The following FAM120A variants were observed in gnomAD, a reference collection of about 807,000 sequenced individuals.
FAM120A encodes the protein constitutive coactivator of PPAR-gamma-like protein 1.
Under a neutral mutation model 109.7 loss-of-function variants are expected in FAM120A, and 15 were observed. The ratio of observed to expected loss-of-function variants is 0.14; its 90% CI spans 0.09 to 0.21. The LOEUF (loss-of-function observed/expected upper bound fraction) is 0.21. Ranked by LOEUF, FAM120A falls within the 10% of genes least tolerant of loss-of-function variation. The probability of loss-of-function intolerance (pLI) is 1.00; values close to 1 mark genes in which losing one functional copy is unlikely to be tolerated. For synonymous variants in FAM120A, 493 were observed against 572.8 expected (o/e 0.86, Z 1.99); for missense variants, 899 against 1,439.3 (o/e 0.62, Z 6.07).
chr9:93,533,838 A>G (rs183171772), intron 10 of FAM120A, among the ~76,000 whole-genome samples: 25 of 152,284 alleles, frequency 1.6e-4, no homozygotes, highest in Non-Finnish European at 2.9e-4. Context: ...CAGTGGCTTC[A>G]TGGTAGAAGG....
chr9:93,559,944 A>C (rs745988321), intron 15 of FAM120A, among the ~76,000 whole-genome samples: 4 of 152,190 alleles, frequency 2.6e-5, no homozygotes, highest in Non-Finnish European at 5.9e-5. Flanking sequence ...GAACATGTAA[A>C]ATACATATCA....
Position 93,520,629 on chromosome 9 carries a change from C to T in FAM120A, c.1418+4360C>T, listed in dbSNP as rs572640481. Among the ~76,000 whole-genome samples, 14 of 152,332 alleles carry T rather than the reference C, an allele frequency of 9.2e-5. No individual in the cohort carries two copies. The South Asian group carries it at 1.7e-3, about 18-fold the overall frequency. ...TGGACTTCTCAGAGCTGCGAGCATGCGGGTGCTCTTTGTGGAGATTTGCTC... is the reference window on the plus strand; with the variant it reads ...TGGACTTCTCAGAGCTGCGAGCATGTGGGTGCTCTTTGTGGAGATTTGCTC... On this transcript the variant is annotated intron_variant, in intron 7 of 17. Transcript: ENST00000277165.
In FAM120A at chr9:93,527,153, A is replaced by G; in HGVS notation, c.1419-2A>G. 1 of 1,613,588 alleles carries G rather than the reference A, an allele frequency of 6.2e-7. No homozygotes were observed. The highest frequency in any genetic ancestry group is 8.5e-7 in the Non-Finnish European group (1 of 1,179,508). On this transcript the variant is annotated splice_acceptor_variant, in intron 7 of 17. Coordinates refer to ENST00000277165, the MANE Select transcript of FAM120A (RefSeq NM_014612.5). LOFTEE classifies it high-confidence loss of function. ...CAGTAATCATGTTCATTTTATGTTT[A>G]GCCATATCAGCGGGAACAAGATTGG...
At chr9:93,485,937 G>A (rs1424834431) in intron 3 of FAM120A, among the ~76,000 whole-genome samples, 1 of 151,022 alleles carries the variant, frequency 6.6e-6, no homozygotes, top group African/African-American at 2.4e-5. Context: ...TACTTTCAAG[G>A]TTTTTCCATG....
At chr9:93,480,245 G>A (rs55812345) in intron 3 of FAM120A, among the ~76,000 whole-genome samples, 17,700 of 152,216 alleles carry the variant, frequency 0.12, 2,192 homozygotes, top group African/African-American at 0.31. Flanking sequence ...CATGTAACAT[G>A]TAAAATTGTA....
intron 10 of FAM120A, among the ~76,000 whole-genome samples, chr9:93,538,383 G>GA (rs1243900733): frequency 7.3e-5 from 11 of 151,552 alleles, no homozygotes; most frequent in African/African-American, 1.5e-4. Context: ...CTATCAGAAG[G>GA]AAAAAAAACA....
At chr9:93,499,516 A>C (rs928097860) in intron 5 of FAM120A, among the ~76,000 whole-genome samples, 1 of 152,104 alleles carries the variant, frequency 6.6e-6, no homozygotes, top group Non-Finnish European at 1.5e-5. Context: ...TCGAACTCCT[A>C]GCCTCAAGCG....
chr9:93,483,210 G>A (rs1475251239), intron 3 of FAM120A, among the ~76,000 whole-genome samples: 2 of 152,132 alleles, frequency 1.3e-5, no homozygotes, highest in Non-Finnish European at 2.9e-5. Flanking sequence ...TTACATGTTA[G>A]TGTTAATTGA....
chr9:93,463,466 A>G (rs1857883394), intron 1 of FAM120A, among the ~76,000 whole-genome samples: 2 of 152,220 alleles, frequency 1.3e-5, no homozygotes, highest in South Asian at 2.1e-4. Flanking sequence ...GTGTCATAAC[A>G]TTTAAATTGC....
chr9:93,474,500 C>T (rs1010722933), intron 2 of FAM120A, among the ~76,000 whole-genome samples: 1 of 152,078 alleles, frequency 6.6e-6, no homozygotes, highest in African/African-American at 2.4e-5. Flanking sequence ...GTATTTCACC[C>T]CCCAATTTTT....
chr9:93,560,953 G>C (rs1862444884), intron 15 of FAM120A, among the ~76,000 whole-genome samples, 156 bp from the exon 16 acceptor site: 1 of 152,236 alleles, frequency 6.6e-6, no homozygotes, highest in Non-Finnish European at 1.5e-5. Context: ...TGTGCACATA[G>C]ATACACTACA....
In FAM120A at chr9:93,451,961, A is replaced by G; in HGVS notation, c.46A>G (p.Ser16Gly). 2 of 1,536,280 alleles carry G rather than the reference A, an allele frequency of 1.3e-6. No individual in the cohort carries two copies. Among genetic ancestry groups the G allele is most frequent in the Non-Finnish European group, 1.7e-6 (2 of 1,143,282 alleles). The change falls in exon 1 of 18, where the codon AGC becomes GGC. Residue 16 changes from serine to glycine, a missense_variant. By Grantham distance (56) the Ser-to-Gly change is moderately conservative (BLOSUM62 0). Coordinates refer to ENST00000277165, the MANE Select transcript of FAM120A (RefSeq NM_014612.5). ...FQDYIEKHCPSAVVPVELQKL... is the reference protein window; with the variant it reads ...FQDYIEKHCPGAVVPVELQKL... ...GGACTACATCGAGAAGCACTGCCCG[A>G]GCGCCGTGGTGCCGGTGGAGCTGCA...
chr9:93,507,006 C>G (rs1386685226), intron 5 of FAM120A, among the ~76,000 whole-genome samples: 1 of 152,176 alleles, frequency 6.6e-6, no homozygotes, highest in African/African-American at 2.4e-5. Context: ...AGCATTATCT[C>G]CTCTACCTTT....
At chr9:93,489,724 A>C (rs1859230793) in intron 3 of FAM120A, among the ~76,000 whole-genome samples, 1 of 152,262 alleles carries the variant, frequency 6.6e-6, no homozygotes, top group African/African-American at 2.4e-5. Context: ...CATATGTGTC[A>C]TAACGTTTCA....
Position 93,557,829 on chromosome 9 carries a change from T to C in FAM120A, c.2487T>C (p.Ala829=). The change falls in exon 14 of 18, where the codon GCT becomes GCC. Residue 829 remains alanine (A), a splice_region_variant and synonymous_variant. Coordinates refer to ENST00000277165, the MANE Select transcript of FAM120A (RefSeq NM_014612.5). ...ACATGCTGGTCCTTGTCTTCCAGGC[T>C]GATCAGGCTGCCAAGGTAGAGAAGA... ...TPLIDLCDGQ[A]DQAAKVEKMR... 2 of 1,613,114 alleles carry C rather than the reference T, an allele frequency of 1.2e-6. No individual in the cohort carries two copies. The highest frequency in any genetic ancestry group is 2.2e-5 in the East Asian group (1 of 44,872).
rs770719523 is a variant in FAM120A at position 93,476,241 on chromosome 9, A to G, written c.722-15A>G. The G allele has an allele frequency of 2.6e-6, 4 of 1,552,284 alleles. No homozygotes were observed. The highest frequency in any genetic ancestry group is 3.6e-6 in the Non-Finnish European group (4 of 1,124,874). On this transcript the variant is annotated splice_polypyrimidine_tract_variant and intron_variant, in intron 2 of 17. Transcript: ENST00000277165. ...TAAGATGATTGCTTTTATGTTATCC[A>G]TGTTTATATTCCAGGAAATCACATT... is the stretch of plus-strand genomic sequence containing the variant.
intron 7 of FAM120A, among the ~76,000 whole-genome samples, chr9:93,516,977 C>CT (rs1490969441): frequency 3.9e-5 from 6 of 152,156 alleles, no homozygotes; most frequent in African/African-American, 1.4e-4. Flanking sequence ...GGTGTGAACT[C>CT]TACTTTACAG....
At chr9:93,454,875 G>GA (rs1454195695) in intron 1 of FAM120A, among the ~76,000 whole-genome samples, 2 of 152,150 alleles carry the variant, frequency 1.3e-5, no homozygotes, top group Non-Finnish European at 2.9e-5. Context: ...GGCTAAAAGA[G>GA]AAAAAAATAT....
Position 93,471,469 on chromosome 9 carries a change from G to T in FAM120A, c.721+82G>T, listed in dbSNP as rs12553458. 2,191 of 1,532,264 alleles carry T rather than the reference G, an allele frequency of 1.4e-3. 51 individuals carry two copies. In the Admixed American group the frequency reaches 0.037, roughly 26 times the overall value. The allele number at this position is 1,532,264 out of a possible 1,614,324, so 94.9% of individuals were successfully genotyped here. On this transcript the variant is annotated intron_variant, in intron 2 of 17. Transcript: ENST00000277165. ...TGATCTTTTAAGTGTTTCTGTGCTT[G>T]AATGTTTTGGATATGTATCACACAT...
Sources: allele counts gnomAD v4.1 joint callset (sites outside exome capture counted in the v4.1 genomes callset), GRCh38; gene constraint gnomAD v4.1.1; transcripts MANE v1.5; gene names NCBI Gene and HGNC (gene_info 2026-07-23, HGNC 2026-07-21).